APOO: variants seen among roughly 807,000 people sequenced by gnomAD.
APOO encodes MICOS complex subunit MIC26.
APOO carries 11 observed loss-of-function variants against 23.1 expected under a neutral mutation model. The observed-to-expected ratio is 0.48, with a 90% CI of 0.30 to 0.79. APOO has a LOEUF of 0.79. Among genes scored for constraint, APOO ranks in the 30% least tolerant of loss-of-function variants. The pLI, the probability that APOO is intolerant of heterozygous loss-of-function variation, is 0.07. For synonymous variants in APOO, 59 were observed against 54.8 expected (o/e 1.08, Z -0.34); for missense variants, 160 against 142.7 (o/e 1.12, Z -0.62).
At chrX:23,905,644 G>A (rs1323262888) in intron 1 of APOO, among the ~76,000 whole-genome samples, 1 of 111,330 alleles carries the variant, frequency 9.0e-6, no homozygotes, top group East Asian at 2.8e-4. Flanking sequence ...CCGTCAGTGA[G>A]TCCTATAGAC....
chrX:23,886,457 C>A lies in APOO; in HGVS notation c.10-5505G>T, dbSNP rs546775667. ...AACTAAGACTGTACAACTTAAAAAT[C>A]TATGTATTTCACTCTATGTAAATTA... On this transcript the variant is annotated intron_variant, in intron 1 of 8. Transcript: ENST00000379226. 2.7e-5 allele frequency among the ~76,000 whole-genome samples: 3 copies of A among 111,679 alleles called. No homozygotes were observed. The South Asian group carries it at 1.1e-3, about 42-fold the overall frequency.
intron 7 of APOO, among the ~76,000 whole-genome samples, chrX:23,854,138 C>T (rs1924672919): frequency 8.9e-6 from 1 of 112,687 alleles, no homozygotes; most frequent in Non-Finnish European, 1.9e-5. Context: ...ATTTGGGTAG[C>T]TTTAATATCT....
In APOO at chrX:23,856,318, T is replaced by A. The variant is rs1924781197; in HGVS notation, c.545A>T (p.Lys182Met). 3 of 1,208,194 alleles carry A rather than the reference T, an allele frequency of 2.5e-6. No individual in the cohort carries two copies. In the South Asian group the frequency reaches 5.3e-5, roughly 21 times the overall value. The change falls in exon 7 of 9, where the codon AAG becomes ATG. Residue 182 changes from lysine to methionine, a missense_variant. Lys to Met is a moderately conservative substitution (Grantham distance 95). Coordinates refer to ENST00000379226, the MANE Select transcript of APOO (RefSeq NM_024122.5). ...RGYIVIEDLW[K>M]ENFQKPGNVK... ...GCTCCTCACCTTTTGAAAGTTCTCCTTCCACAAATCTTCTATGACTATATA... is the reference window on the plus strand; with the variant it reads ...GCTCCTCACCTTTTGAAAGTTCTCCATCCACAAATCTTCTATGACTATATA...
intron 7 of APOO, 76 bp from the exon 8 acceptor site, chrX:23,840,453 G>T: frequency 1.1e-6 from 1 of 935,822 alleles, no homozygotes; most frequent in Non-Finnish European, 1.5e-6. Context: ...TGAGTATTTG[G>T]CTGAACATGA....
At chrX:23,886,360 C>A (rs1384221072) in intron 1 of APOO, among the ~76,000 whole-genome samples, 3 of 111,915 alleles carry the variant, frequency 2.7e-5, no homozygotes, top group Non-Finnish European at 5.6e-5. Context: ...AGTGAACTTT[C>A]TGGGGTGAAA....
chrX:23,845,486 T>A (rs781051856), intron 7 of APOO, among the ~76,000 whole-genome samples: 91 of 112,255 alleles, frequency 8.1e-4, no homozygotes, highest in African/African-American at 2.9e-3. Context: ...TAAAACTTTG[T>A]TGATTACCAA....
chrX:23,867,082 A>C (rs1380542146), intron 5 of APOO, among the ~76,000 whole-genome samples: 1 of 110,127 alleles, frequency 9.1e-6, no homozygotes. Flanking sequence ...CCTGGGCGAC[A>C]GAGTGAGACT....
chrX:23,881,766 G>A (rs1209409169), intron 1 of APOO, among the ~76,000 whole-genome samples: 3 of 84,605 alleles, frequency 3.5e-5, no homozygotes, highest in Admixed American at 1.3e-4. Flanking sequence ...GTGAAATCCC[G>A]TCTCTACTAA....
intron 5 of APOO, among the ~76,000 whole-genome samples, chrX:23,867,503 C>T (rs751518671): frequency 1.8e-5 from 2 of 112,134 alleles, no homozygotes; most frequent in South Asian, 3.7e-4. Context: ...GCTGATGCCA[C>T]GCTTCTTGTA....
At chrX:23,835,843 C>T (rs1428668408) in intron 8 of APOO, among the ~76,000 whole-genome samples, 2 of 112,129 alleles carry the variant, frequency 1.8e-5, no homozygotes, top group Non-Finnish European at 3.8e-5. Flanking sequence ...TGGATACATT[C>T]GGCCACAGCC....
At chrX:23,889,305 A>G (rs1329012897) in intron 1 of APOO, among the ~76,000 whole-genome samples, 4 of 111,573 alleles carry the variant, frequency 3.6e-5, no homozygotes, top group Non-Finnish European at 7.5e-5. Context: ...TTTGCAAATA[A>G]AAGTACACTG....
At chrX:23,899,543 C>T (rs1160953927) in intron 1 of APOO, among the ~76,000 whole-genome samples, 1 of 111,577 alleles carries the variant, frequency 9.0e-6, no homozygotes, top group Non-Finnish European at 1.9e-5. Flanking sequence ...TTTTTTTGTC[C>T]CTGAAAATAT....
intron 1 of APOO, among the ~76,000 whole-genome samples, chrX:23,907,073 A>G (rs1927391559): frequency 8.9e-6 from 1 of 112,404 alleles, no homozygotes; most frequent in Admixed American, 9.4e-5. Context: ...GCTTTATGCT[A>G]AAGTGCAGAT....
intron 7 of APOO, among the ~76,000 whole-genome samples, chrX:23,853,226 C>T (rs1400049758): frequency 9.0e-6 from 1 of 110,904 alleles, no homozygotes; most frequent in Non-Finnish European, 1.9e-5. Flanking sequence ...CCACTGCACT[C>T]CAGCCTGGGC....
intron 5 of APOO, among the ~76,000 whole-genome samples, chrX:23,866,595 C>T (rs908133502): frequency 2.3e-4 from 25 of 110,928 alleles, no homozygotes; most frequent in African/African-American, 8.2e-4. Flanking sequence ...AGGAGTTCAG[C>T]CTGAGCAACA....
chrX:23,891,010 T>A (rs556157411), intron 1 of APOO, among the ~76,000 whole-genome samples: 1 of 111,082 alleles, frequency 9.0e-6, no homozygotes, highest in Non-Finnish European at 1.9e-5. Flanking sequence ...GGCATCTTGG[T>A]TGCACCCTGA....
intron 1 of APOO, among the ~76,000 whole-genome samples, chrX:23,891,039 A>G (rs1926628985): frequency 9.1e-6 from 1 of 110,318 alleles, no homozygotes; most frequent in South Asian, 3.9e-4. Context: ...ACTACTCTAC[A>G]TCTTCAACCC....
chrX:23,857,547 T>A (rs1465402918), intron 6 of APOO, among the ~76,000 whole-genome samples: 1 of 111,545 alleles, frequency 9.0e-6, no homozygotes, highest in Non-Finnish European at 1.9e-5. Context: ...CTCCCCAAGC[T>A]GGGGCCACTG....
chrX:23,877,179 T>G (rs1018783068), intron 3 of APOO, among the ~76,000 whole-genome samples: 5 of 111,961 alleles, frequency 4.5e-5, no homozygotes, highest in African/African-American at 1.6e-4. Context: ...CAAGTAACAG[T>G]AGTCATGCCT....
Sources: allele counts gnomAD v4.1 joint callset (sites outside exome capture counted in the v4.1 genomes callset), GRCh38; gene constraint gnomAD v4.1.1; transcripts MANE v1.5; gene names NCBI Gene and HGNC (gene_info 2026-07-23, HGNC 2026-07-21).